Variants in KIF15 observed in about 807,000 individuals in gnomAD.
The protein encoded by KIF15 is kinesin family member 15, also known as kinesin-like protein KIF15.
In KIF15, 140 loss-of-function variants were observed where a neutral mutation model predicts 190.6. The observed-to-expected ratio is 0.73, with a 90% CI of 0.64 to 0.84. KIF15 has a LOEUF of 0.84. KIF15 is among the 40% of genes least tolerant of loss of function. KIF15 has a pLI of 0.00. For synonymous variants in KIF15, 528 were observed against 551.3 expected (o/e 0.96, Z 0.59); for missense variants, 1,372 against 1,584.4 (o/e 0.87, Z 2.28).
At chr3:44,849,650 T>C (rs1002080250) in intron 32 of KIF15, among the ~76,000 whole-genome samples, 1 of 152,138 alleles carries the variant, frequency 6.6e-6, no homozygotes, top group African/African-American at 2.4e-5. Flanking sequence ...CCCTGCAGGA[T>C]TTTATATTGA....
intron 10 of KIF15, 57 bp from the exon 11 acceptor site, chr3:44,800,257 A>T: frequency 1.3e-6 from 2 of 1,515,212 alleles, no homozygotes; most frequent in Non-Finnish European, 1.8e-6. Flanking sequence ...ATGTAAACAC[A>T]GGACTATACT....
intron 1 of KIF15, among the ~76,000 whole-genome samples, chr3:44,769,326 T>C (rs1435089224): frequency 1.3e-5 from 2 of 152,116 alleles, no homozygotes; most frequent in East Asian, 3.9e-4. Flanking sequence ...CCTGGTTCCT[T>C]TCTCTTCCTA....
chr3:44,843,233 A>G lies in KIF15; in HGVS notation c.3694A>G (p.Ser1232Gly). 2 of 1,601,906 alleles carry G rather than the reference A, an allele frequency of 1.2e-6. No homozygotes were observed. Among genetic ancestry groups the G allele is most frequent in the Non-Finnish European group, 8.5e-7 (1 of 1,170,300 alleles). ...TGATATTAAAAGACAAAAGGAAAAC[A>G]GGTGAGAAAGAACCACGAGAACTCT... ...LDDIKRQKEN[S>G]DQNHPDNQQL... The change falls in exon 30 of 35, where the codon AGT (serine) becomes GGT (glycine). Residue 1232 changes from serine to glycine, a missense_variant and splice_region_variant. Ser to Gly is a moderately conservative substitution (Grantham distance 56). Transcript: ENST00000326047.
chr3:44,863,396 C>T (rs1699285250), intron 6 of KIF15: 1 of 141,158 alleles, frequency 7.1e-6, no homozygotes, highest in South Asian at 2.3e-4. Context: ...TTCTAAAGAT[C>T]TTCTCTTCTC....
Position 44,838,471 on chromosome 3 carries a change from T to C in KIF15, c.3318+50T>C, listed in dbSNP as rs115496345. ...AAGATGGGAGACAAGAGACCAAGTG[T>C]AGTGGCTCACTCCTGTAATCCCAGC... On this transcript the variant is annotated intron_variant, in intron 27 of 34. Transcript: ENST00000326047. 6,349 of 1,568,354 alleles carry C rather than the reference T, an allele frequency of 4.0e-3. 166 individuals carry two copies. The African/African-American group carries it at 0.067, about 16-fold the overall frequency.
At chr3:44,820,460 C>CA (rs1708218194) in intron 20 of KIF15, among the ~76,000 whole-genome samples, 1 of 151,646 alleles carries the variant, frequency 6.6e-6, no homozygotes, top group African/African-American at 2.4e-5. Flanking sequence ...AACAAGTGAA[C>CA]AAAGGTCTCT....
In KIF15 at chr3:44,840,394, G is replaced by C; in HGVS notation, c.3358G>C (p.Glu1120Gln). The change falls in exon 28 of 35, where the codon GAA (glutamate) becomes CAA (glutamine). Residue 1120 changes from glutamate (E) to glutamine (Q), a missense_variant. Coordinates refer to ENST00000326047, the MANE Select transcript of KIF15 (RefSeq NM_020242.3). ...AGAGGAAGTAGAACAGAAGAAGAAT[G>C]AATATAACTTCAAAATGAGGCAACT... ...KKEEVEQKKN[E>Q]YNFKMRQLEH... The C allele has an allele frequency of 6.2e-7, 1 of 1,611,254 alleles. No individual in the cohort carries two copies. The highest frequency in any genetic ancestry group is 8.5e-7 in the Non-Finnish European group (1 of 1,178,834).
chr3:44,841,285 C>T lies in KIF15; in HGVS notation c.3585+47C>T, dbSNP rs371097507. 146 of 1,494,178 alleles carry T rather than the reference C, an allele frequency of 9.8e-5. 1 individual carries two copies. The Middle Eastern group carries it at 3.8e-3, about 39-fold the overall frequency. 92.6% of individuals were successfully genotyped at this position (1,494,178 alleles called of 1,614,324 possible). A position where few individuals can be genotyped will look rare whatever the true frequency, so the allele number is the denominator to read the frequency against. Reference sequence around the variant, plus strand: ...TAAATTTAATTATTTTTAAAGAGACCAAGTCTCGCTATGTTGCCCAGGCTG... The same window carrying T: ...TAAATTTAATTATTTTTAAAGAGACTAAGTCTCGCTATGTTGCCCAGGCTG... On this transcript the variant is annotated intron_variant, in intron 29 of 34. Transcript: ENST00000326047.
intron 28 of KIF15, among the ~76,000 whole-genome samples, chr3:44,840,684 T>TTC (rs1491383178): frequency 8.6e-6 from 1 of 116,948 alleles, no homozygotes; most frequent in African/African-American, 3.0e-5. Flanking sequence ...TTTTTTTTTT[T>TTC]GGCAGATGGA....
chr3:44,845,824 C>G (rs1235778598), intron 30 of KIF15, among the ~76,000 whole-genome samples: 2 of 152,206 alleles, frequency 1.3e-5, no homozygotes, highest in African/African-American at 4.8e-5. Context: ...CTGCCAGCAC[C>G]AGGACAGTTA....
intron 26 of KIF15, among the ~76,000 whole-genome samples, chr3:44,836,069 G>A (rs1013257467): frequency 6.6e-6 from 1 of 152,112 alleles, no homozygotes; most frequent in Non-Finnish European, 1.5e-5. Context: ...AAGGAGGGAT[G>A]GGCACGGTGA....
rs1697614672 is a variant in KIF15 at position 44,825,968 on chromosome 3, T to G, written c.2550-71T>G. 8 of 1,341,666 alleles carry G rather than the reference T, an allele frequency of 6.0e-6. No homozygotes were observed. In the Admixed American group the frequency reaches 7.7e-5, roughly 13 times the overall value. 83.1% of individuals were successfully genotyped at this position (1,341,666 alleles called of 1,614,324 possible). ...GGGCTGTAGATGAGATAAATTGAAC[T>G]GCAGATGATCTGATTAATAGAAATA... On this transcript the variant is annotated intron_variant, in intron 20 of 34. Transcript: ENST00000326047.
At chr3:44,805,540 C>T (rs541020408) in intron 15 of KIF15, among the ~76,000 whole-genome samples, 2 of 152,272 alleles carry the variant, frequency 1.3e-5, no homozygotes, top group South Asian at 4.1e-4. Flanking sequence ...TAACTAAGAT[C>T]AATCTTACCC....
At chr3:44,763,505 T>C (rs1014003626) in intron 1 of KIF15, among the ~76,000 whole-genome samples, 31 of 151,840 alleles carry the variant, frequency 2.0e-4, no homozygotes, top group African/African-American at 7.3e-4. Context: ...TTTCACTGTG[T>C]TGGCCAGGAT....
chr3:44,774,051 C>T (rs183252652), intron 1 of KIF15, among the ~76,000 whole-genome samples: 9 of 152,248 alleles, frequency 5.9e-5, no homozygotes, highest in Admixed American at 3.3e-4. Flanking sequence ...GCATGTGGGC[C>T]CTTAGTCTGA....
intron 20 of KIF15, among the ~76,000 whole-genome samples, chr3:44,818,319 CCA>C (rs1464961423): frequency 4.6e-5 from 7 of 152,280 alleles, no homozygotes; most frequent in African/African-American, 1.7e-4. Flanking sequence ...CTGTCTTGTG[CCA>C]GTTTTCAAAG....
At chr3:44,840,575 C>G (rs1001068409) in intron 28 of KIF15, 119 bp downstream of exon 28, 8 of 629,796 alleles carry the variant, frequency 1.3e-5, no homozygotes, top group Admixed American at 3.4e-5. Flanking sequence ...CACTAATACC[C>G]TCTGTCTGCT....
At chr3:44,831,626 A>G (rs1698076803) in intron 26 of KIF15, among the ~76,000 whole-genome samples, 1 of 152,238 alleles carries the variant, frequency 6.6e-6, no homozygotes, top group South Asian at 2.1e-4. Flanking sequence ...CTTTTTAAAA[A>G]TTAAGCAGTA....
intron 6 of KIF15, among the ~76,000 whole-genome samples, chr3:44,861,670 C>T (rs555881094): frequency 4.4e-4 from 67 of 152,370 alleles, no homozygotes; most frequent in South Asian, 3.3e-3. Context: ...TCCACAGTAC[C>T]CGGCTTGGCC....
Sources: allele counts gnomAD v4.1 joint callset (sites outside exome capture counted in the v4.1 genomes callset), GRCh38; gene constraint gnomAD v4.1.1; transcripts MANE v1.5; gene names NCBI Gene and HGNC (gene_info 2026-07-23, HGNC 2026-07-21).